The following DPYD variants were observed in gnomAD, a reference collection of about 807,000 sequenced individuals.
The protein encoded by DPYD is dihydropyrimidine dehydrogenase [NADP(+)].
Under a neutral mutation model 116.2 loss-of-function variants are expected in DPYD, and 109 were observed. The observed-to-expected ratio is 0.94, with a 90% CI of 0.80 to 1.10. DPYD has a LOEUF of 1.10. Ranked by LOEUF, DPYD falls within the 50% of genes least tolerant of loss-of-function variation. The pLI, the probability that DPYD is intolerant of heterozygous loss-of-function variation, is 0.00. For synonymous variants in DPYD, 440 were observed against 432.0 expected, an observed-to-expected ratio of 1.02 and a Z score of -0.23; for missense variants, 1,302 against 1,254.5, an observed-to-expected ratio of 1.04 and a Z score of -0.57.
chr1:97,561,680 C>T (rs981441652), intron 11 of DPYD, among the ~76,000 whole-genome samples: 4 of 152,304 alleles, frequency 2.6e-5, no homozygotes, highest in South Asian at 2.1e-4. Flanking sequence ...TAGTTAAACA[C>T]TAAAAACATT....
chr1:97,671,471 C>G (rs1030715550), intron 8 of DPYD, among the ~76,000 whole-genome samples: 3 of 151,942 alleles, frequency 2.0e-5, no homozygotes, highest in South Asian at 4.1e-4. Context: ...AGTCATTAAT[C>G]AGAACTAATG....
At chr1:97,629,086 G>A (rs1358298346) in intron 8 of DPYD, among the ~76,000 whole-genome samples, 2 of 151,968 alleles carry the variant, frequency 1.3e-5, no homozygotes, top group African/African-American at 2.4e-5. Context: ...TCCTTTTAAT[G>A]ATTAACATTA....
chr1:97,605,195 C>T (rs924000335), intron 8 of DPYD, among the ~76,000 whole-genome samples: 1 of 151,996 alleles, frequency 6.6e-6, no homozygotes, highest in Non-Finnish European at 1.5e-5. Flanking sequence ...CCAGTGTAAG[C>T]GGAAGCAACA....
chr1:97,610,959 C>T (rs965065768), intron 8 of DPYD, among the ~76,000 whole-genome samples: 2 of 150,778 alleles, frequency 1.3e-5, no homozygotes, highest in Admixed American at 6.6e-5. Flanking sequence ...AACTATATAT[C>T]GGTGTGTTTG....
At chr1:97,286,460 T>G (rs1252991439) in intron 18 of DPYD, among the ~76,000 whole-genome samples, 1 of 152,000 alleles carries the variant, frequency 6.6e-6, no homozygotes, top group African/African-American at 2.4e-5. Context: ...AATCTGAATG[T>G]TGGCCTGCCT....
At chr1:97,109,038 A>C (rs1651389071) in intron 20 of DPYD, among the ~76,000 whole-genome samples, 1 of 152,180 alleles carries the variant, frequency 6.6e-6, no homozygotes, top group African/African-American at 2.4e-5. Flanking sequence ...GGGGCAAGCC[A>C]CTTGCCCTCT....
chr1:97,198,730 C>A (rs1658992866), intron 19 of DPYD, among the ~76,000 whole-genome samples: 1 of 152,132 alleles, frequency 6.6e-6, no homozygotes, highest in South Asian at 2.1e-4. Context: ...TTTGTAAGTT[C>A]TTTATGGTGA....
At chr1:97,467,867 A>T (rs1557732738) in intron 13 of DPYD, among the ~76,000 whole-genome samples, 1 of 152,178 alleles carries the variant, frequency 6.6e-6, no homozygotes, top group Non-Finnish European at 1.5e-5. Context: ...CACAATGGGC[A>T]CTGAACAAGA....
intron 14 of DPYD, among the ~76,000 whole-genome samples, chr1:97,433,456 G>A (rs1483847615): frequency 6.6e-6 from 1 of 152,150 alleles, no homozygotes; most frequent in African/African-American, 2.4e-5. Context: ...AAGCAGTCAT[G>A]AGTTTCTGCT....
intron 3 of DPYD, among the ~76,000 whole-genome samples, chr1:97,775,235 T>G (rs1666334687): frequency 6.6e-6 from 1 of 152,208 alleles, no homozygotes; most frequent in African/African-American, 2.4e-5. Context: ...AAGAATATAT[T>G]TATATACCAA....
At chr1:97,426,860 G>A (rs891202079) in intron 14 of DPYD, among the ~76,000 whole-genome samples, 1 of 151,976 alleles carries the variant, frequency 6.6e-6, no homozygotes, top group Non-Finnish European at 1.5e-5. Flanking sequence ...CTTGTTGGGT[G>A]GTAACTGATT....
chr1:97,399,103 G>A (rs943593946), intron 14 of DPYD, among the ~76,000 whole-genome samples: 5 of 149,232 alleles, frequency 3.4e-5, no homozygotes, highest in Non-Finnish European at 7.5e-5. Context: ...GTCTTTAATC[G>A]GTCTTGAATT....
At chr1:97,480,728 C>A (rs894266558) in intron 13 of DPYD, among the ~76,000 whole-genome samples, 3 of 152,166 alleles carry the variant, frequency 2.0e-5, no homozygotes, top group Admixed American at 6.6e-5. Context: ...CGCCTGTAAT[C>A]CCAGCACTTT....
chr1:97,642,295 G>A (rs1657959113), intron 8 of DPYD, among the ~76,000 whole-genome samples: 1 of 152,048 alleles, frequency 6.6e-6, no homozygotes, highest in Non-Finnish European at 1.5e-5. Context: ...AAAACATTAA[G>A]CATGAAGAAC....
At chr1:97,624,057 T>C (rs954411994) in intron 8 of DPYD, among the ~76,000 whole-genome samples, 2 of 152,118 alleles carry the variant, frequency 1.3e-5, no homozygotes, top group Non-Finnish European at 2.9e-5. Flanking sequence ...CTACATGACA[T>C]TGGTCTGGGA....
At chr1:97,173,224 ACATATATG>A (rs773551871) in intron 20 of DPYD, among the ~76,000 whole-genome samples, 2,241 of 102,616 alleles carry the variant, frequency 0.022, 32 homozygotes, top group Middle Eastern at 0.089. Context: ...ACATATACGT[ACATATATG>A]CGCACACATA....
intron 3 of DPYD, among the ~76,000 whole-genome samples, chr1:97,821,784 C>G (rs999116949): frequency 6.6e-6 from 1 of 152,144 alleles, no homozygotes; most frequent in Admixed American, 6.5e-5. Flanking sequence ...CTTGTAAGCA[C>G]ATACAACATT....
At position 97,596,662 on chromosome 1, in the gene DPYD, G is replaced by A. The variant is rs186371743; in HGVS notation, c.851-1496C>T. On this transcript the variant is annotated intron_variant, in intron 8 of 22. Coordinates refer to ENST00000370192, the MANE Select transcript of DPYD (RefSeq NM_000110.4). Reference sequence around the variant, plus strand: ...TTTGCTGGTAGATACAGAGTAATAAGCATAGCCGAAGGATGACTTTTGTCA... The same window carrying A: ...TTTGCTGGTAGATACAGAGTAATAAACATAGCCGAAGGATGACTTTTGTCA... Among the ~76,000 whole-genome samples, 7 of 152,288 alleles carry A rather than the reference G, an allele frequency of 4.6e-5. No individual in the cohort carries two copies. The East Asian group carries it at 1.2e-3, about 25-fold the overall frequency.
chr1:97,570,054 C>T lies in DPYD; in HGVS notation c.1339+3706G>A, dbSNP rs573645143. ...TTCTATAAGCTGTTGAGGCACTTAT[C>T]ATTTTATGATAGGGAATATTTATTA... On this transcript the variant is annotated intron_variant, in intron 11 of 22. Coordinates refer to ENST00000370192, the MANE Select transcript of DPYD (RefSeq NM_000110.4). Among the ~76,000 whole-genome samples the T allele has an allele frequency of 3.9e-5, 6 of 151,978 alleles. No individual in the cohort carries two copies. In the East Asian group the frequency reaches 9.7e-4, roughly 24 times the overall value.
Sources: allele counts gnomAD v4.1 joint callset (sites outside exome capture counted in the v4.1 genomes callset), GRCh38; gene constraint gnomAD v4.1.1; transcripts MANE v1.5; gene names NCBI Gene and HGNC (gene_info 2026-07-23, HGNC 2026-07-21).